The following GIGYF1 variants were observed in gnomAD, a reference collection of about 807,000 sequenced individuals.
The protein encoded by GIGYF1 is GRB10-interacting GYF protein 1.
GIGYF1 carries 84 observed loss-of-function variants against 147.1 expected under a neutral mutation model. That is an observed-to-expected ratio of 0.57 (90% CI 0.48 to 0.68). The LOEUF (loss-of-function observed/expected upper bound fraction) is 0.68, where lower values mean the gene tolerates loss of function less well. Among genes scored for constraint, GIGYF1 ranks in the 30% least tolerant of loss-of-function variants. GIGYF1 has a pLI of 0.00. For synonymous variants in GIGYF1, 752 were observed against 589.5 expected (o/e 1.28, Z -3.99); for missense variants, 1,485 against 1,393.7 (o/e 1.07, Z -1.04).
At chr7:100,692,263 A>G (rs929812379) in intron 1 of GIGYF1, among the ~76,000 whole-genome samples, 1 of 152,166 alleles carries the variant, frequency 6.6e-6, no homozygotes, top group Non-Finnish European at 1.5e-5. Flanking sequence ...GAGCCATCCC[A>G]GCAAATCACA....
rs1215625330 is a variant in GIGYF1, at chr7:100,683,034, G to C, written c.2390C>G (p.Ala797Gly). ...KQPPPREPAR[A>G]QAPNHRVQLG... ...CACCACTCGGTGGTTGGGGGCCTGG[G>C]CCCGAGCTGGCTCCCGAGGTGGGGG... The change falls in exon 22 of 27, where the codon GCC (alanine) becomes GGC (glycine). Residue 797 changes from alanine to glycine, a missense_variant. Transcript: ENST00000678049. 1.3e-6 allele frequency: 2 copies of C among 1,548,568 alleles called. No individual in the cohort carries two copies. The highest frequency in any genetic ancestry group is 2.3e-5 in the South Asian group (2 of 85,340).
Position 100,687,629 on chromosome 7 carries a change from C to A in GIGYF1, c.262-13G>T. Reference sequence around the variant, plus strand: ...GGGAGAAGTTTCTCTGAGGAGGGAGCCAGGGGCGGGAGTGAGGACCCAGGC... The same window carrying A: ...GGGAGAAGTTTCTCTGAGGAGGGAGACAGGGGCGGGAGTGAGGACCCAGGC... On this transcript the variant is annotated splice_polypyrimidine_tract_variant and intron_variant, in intron 6 of 26. Transcript: ENST00000678049. The A allele has an allele frequency of 6.3e-7, 1 of 1,599,732 alleles. No individual in the cohort carries two copies. The highest frequency in any genetic ancestry group is 8.5e-7 in the Non-Finnish European group (1 of 1,172,478).
Position 100,687,309 on chromosome 7 carries a change from G to A in GIGYF1, c.471C>T (p.Ser157=), listed in dbSNP as rs757689340. 7 of 1,612,528 alleles carry A rather than the reference G, an allele frequency of 4.3e-6. No individual in the cohort carries two copies. In the Admixed American group the frequency reaches 5.0e-5, roughly 12 times the overall value. ...RSPREIQRSQ[S]WDDRGERRFE... is the part of the protein sequence containing the mutation. The stretch of plus-strand genomic sequence containing the variant: ...CCTCCCCGCCCCACCTGTCATCCCA[G>A]CTCTGGCTGCGCTGGATTTCCCGGG... The change falls in exon 8 of 27, where the codon AGC becomes AGT. Residue 157 remains serine, a synonymous_variant. Coordinates refer to ENST00000678049, the MANE Select transcript of GIGYF1 (RefSeq NM_001375765.1).
At chr7:100,692,869 G>C (rs991821529) in intron 1 of GIGYF1, among the ~76,000 whole-genome samples, 3 of 152,198 alleles carry the variant, frequency 2.0e-5, no homozygotes, top group African/African-American at 7.2e-5. Flanking sequence ...GGCTAGCCTG[G>C]TGGAGGGTGG....
chr7:100,691,314 CCCT>C (rs1448290843), intron 1 of GIGYF1, among the ~76,000 whole-genome samples: 1 of 152,178 alleles, frequency 6.6e-6, no homozygotes, highest in Non-Finnish European at 1.5e-5. Flanking sequence ...TGCTGAGACA[CCCT>C]CCTCTGCGCC....
intron 1 of GIGYF1, among the ~76,000 whole-genome samples, chr7:100,690,062 T>C (rs890389359): frequency 1.3e-5 from 2 of 152,176 alleles, no homozygotes; most frequent in African/African-American, 2.4e-5. Flanking sequence ...CGCACACCAA[T>C]GTGAGTGTAC....
chr7:100,693,500 G>T (rs1328563782), intron 1 of GIGYF1, among the ~76,000 whole-genome samples: 1 of 152,160 alleles, frequency 6.6e-6, no homozygotes, highest in Non-Finnish European at 1.5e-5. Context: ...AGGAAACAGA[G>T]GTGAGGAGGA....
At chr7:100,683,490 T>C (rs781639788) in intron 20 of GIGYF1, 46 bp from the exon 21 acceptor site, 5 of 1,614,072 alleles carry the variant, frequency 3.1e-6, no homozygotes, top group Non-Finnish European at 4.2e-6. Flanking sequence ...GGGGACAGCC[T>C]GGGGCCTGCC....
At position 100,684,435 on chromosome 7, in the gene GIGYF1, G is replaced by T; in HGVS notation, c.1629+15C>A. The T allele has an allele frequency of 6.2e-7, 1 of 1,611,734 alleles. No individual in the cohort carries two copies. Among genetic ancestry groups the T allele is most frequent in the Non-Finnish European group, 8.5e-7 (1 of 1,179,852 alleles). ...CTCACACCCTGTCCCTCCATGCAGG[G>T]GAGAAGCGGCTCACCAGCAGTGGGG... On this transcript the variant is annotated intron_variant, in intron 16 of 26. Coordinates refer to ENST00000678049, the MANE Select transcript of GIGYF1 (RefSeq NM_001375765.1).
Position 100,683,314 on chromosome 7 carries a change from C to T in GIGYF1, c.2183G>A (p.Arg728Gln), listed in dbSNP as rs370906568. ...CTTGGGAGCACCCACGTGCTTGCGC[C>T]GAAACAGCTCTTCCTCCTCCTGCCG... Reference protein sequence around the residue: ...KRRQEEEELFRRKHVRQQELL... With the variant: ...KRRQEEEELFQRKHVRQQELL... Residue 728 changes from arginine to glutamine, a missense_variant, in exon 21 of 27, where the codon CGG becomes CAG. Transcript: ENST00000678049. The T allele has an allele frequency of 2.2e-5, 35 of 1,613,760 alleles. No homozygotes were observed. The highest frequency in any genetic ancestry group is 3.3e-5 in the South Asian group (3 of 91,092).
At position 100,687,058 on chromosome 7, in the gene GIGYF1, G is replaced by A; in HGVS notation, c.483-12C>T. 1 of 1,613,832 alleles carries A rather than the reference G, an allele frequency of 6.2e-7. No individual in the cohort carries two copies. The highest frequency in any genetic ancestry group is 8.5e-7 in the Non-Finnish European group (1 of 1,180,004). On this transcript the variant is annotated splice_polypyrimidine_tract_variant and intron_variant, in intron 8 of 26. Transcript: ENST00000678049. ...ACCGCCTCTCGCCTCTGCAGCAGGG[G>A]AAACGTGTGGGTCAGAAACAGTACA...
chr7:100,682,059 C>T lies in GIGYF1; in HGVS notation c.2925+13G>A, dbSNP rs752467101. On this transcript the variant is annotated intron_variant, in intron 25 of 26. Transcript: ENST00000678049. ...GGCAAGCCCACCCCAGCTGCTGGTGCCGGCTGCCTCACCTGCTGCTGCTGC... is the reference window on the plus strand; with the variant it reads ...GGCAAGCCCACCCCAGCTGCTGGTGTCGGCTGCCTCACCTGCTGCTGCTGC... The T allele has an allele frequency of 1.2e-6, 2 of 1,611,672 alleles. No homozygotes were observed.
Position 100,683,892 on chromosome 7 carries a change from G to A in GIGYF1, c.1895C>T (p.Thr632Met), listed in dbSNP as rs775340442. The A allele has an allele frequency of 2.4e-5, 38 of 1,555,104 alleles. No homozygotes were observed. Among genetic ancestry groups the A allele is most frequent in the Admixed American group, 7.8e-5 (4 of 51,162 alleles). The change falls in exon 19 of 27, where the codon ACG becomes ATG. Residue 632 changes from threonine to methionine, a missense_variant. Thr to Met is a moderately conservative substitution (Grantham distance 81). Coordinates refer to ENST00000678049, the MANE Select transcript of GIGYF1 (RefSeq NM_001375765.1). The stretch of plus-strand genomic sequence containing the variant: ...TGGCACCGACAAGGACCGGCTCATC[G>A]TCGGGAGCAGGTTCTGGTCCCCGCC... Reference protein sequence around the residue: ...PRGGDQNLLPTMSRSLSVPDS... With the variant: ...PRGGDQNLLPMMSRSLSVPDS...
chr7:100,683,450 A>C lies in GIGYF1; in HGVS notation c.2053-6T>G, dbSNP rs369736310. 3 of 1,614,074 alleles carry C rather than the reference A, an allele frequency of 1.9e-6. No individual in the cohort carries two copies. The highest frequency in any genetic ancestry group is 2.5e-6 in the Non-Finnish European group (3 of 1,179,972). On this transcript the variant is annotated splice_polypyrimidine_tract_variant and splice_region_variant and intron_variant, in intron 20 of 26. Coordinates refer to ENST00000678049, the MANE Select transcript of GIGYF1 (RefSeq NM_001375765.1). ...ACTTCTCTGCGCTCCTGGAACTGAG[A>C]CCAGTGGCCCATCAGAGGGGAGAGC... is the stretch of plus-strand genomic sequence containing the variant.
At chr7:100,692,210 G>C (rs1348900029) in intron 1 of GIGYF1, among the ~76,000 whole-genome samples, 4 of 152,224 alleles carry the variant, frequency 2.6e-5, no homozygotes, top group Non-Finnish European at 4.4e-5. Flanking sequence ...ATGCAAACCC[G>C]CATTCTTCGC....
Position 100,681,596 on chromosome 7 carries a change from T to G in GIGYF1, c.*123A>C. 2 of 799,282 alleles carry G rather than the reference T, an allele frequency of 2.5e-6. No homozygotes were observed. The highest frequency in any genetic ancestry group is 3.8e-6 in the Non-Finnish European group (2 of 533,006). The allele number at this position is 799,282 out of a possible 1,614,324, so 49.5% of individuals were successfully genotyped here. A position where few individuals can be genotyped will look rare whatever the true frequency, so the allele number is the denominator to read the frequency against. ...AGGTGCATCGTGTGTTTGTAACAAG[T>G]GCTGGGGACCCCGCCCCTGCCTCTT... On this transcript the variant is annotated 3_prime_UTR_variant, in exon 27 of 27. Coordinates refer to ENST00000678049, the MANE Select transcript of GIGYF1 (RefSeq NM_001375765.1).
In GIGYF1 at chr7:100,681,941, C is replaced by T. The variant is rs1467965191; in HGVS notation, c.2978G>A (p.Ser993Asn). Residue 993 changes from serine to asparagine, a missense_variant, in exon 26 of 27, where the codon AGC becomes AAC. Transcript: ENST00000678049. ...SLQTAFQANH[S>N]TKLGPGEGSK... is the part of the protein sequence containing the mutation. ...GCCCTCCCCGGGGCCGAGTTTGGTG[C>T]TGTGGTTGGCCTGGAAGGCCGTCTG... 3 of 1,609,820 alleles carry T rather than the reference C, an allele frequency of 1.9e-6. No homozygotes were observed. The highest frequency in any genetic ancestry group is 1.7e-5 in the Admixed American group (1 of 60,002).
chr7:100,686,585 C>T, intron 10 of GIGYF1, 64 bp downstream of exon 10: 2 of 1,545,390 alleles, frequency 1.3e-6, no homozygotes, highest in Non-Finnish European at 1.7e-6. Flanking sequence ...TACAGGAGCC[C>T]ACCCTCTCAT....
At position 100,682,219 on chromosome 7, in the gene GIGYF1, C is replaced by G. The variant is rs763884661; in HGVS notation, c.2778G>C (p.Ala926=). ...AGGGGGATTCCACCTCCTTGAGGAT[C>G]GCTACAGCCATGGGCACTGCAGGAT... ...TGSLDVPMAV[A]ILKEVESPYD... Residue 926 remains alanine (A), a synonymous_variant, in exon 25 of 27, where the codon GCG becomes GCC. Transcript: ENST00000678049. 6 of 1,612,430 alleles carry G rather than the reference C, an allele frequency of 3.7e-6. No homozygotes were observed. The highest frequency in any genetic ancestry group is 5.1e-6 in the Non-Finnish European group (6 of 1,179,896).
Sources: gnomAD v4.1 joint callset for allele counts (sites outside exome capture counted in the v4.1 genomes callset) on GRCh38, gnomAD v4.1.1 for gene constraint, MANE v1.5 for transcripts, NCBI Gene and HGNC (gene_info 2026-07-23, HGNC 2026-07-21) for gene names.